Variants in TCF7L1 observed in about 807,000 individuals in gnomAD.
TCF7L1 encodes the protein transcription factor 7-like 1.
A neutral mutation model predicts 63.7 loss-of-function variants in TCF7L1; 18 were observed. That is an observed-to-expected ratio of 0.28 (90% CI 0.20 to 0.42). The LOEUF is 0.42. Ranked by LOEUF, TCF7L1 falls within the 10% of genes least tolerant of loss-of-function variation. The probability of loss-of-function intolerance (pLI) is 1.00; values close to 1 mark genes in which losing one functional copy is unlikely to be tolerated. For synonymous variants in TCF7L1, 355 were observed against 340.9 expected, an observed-to-expected ratio of 1.04 and a Z score of -0.46; for missense variants, 654 against 779.3, an observed-to-expected ratio of 0.84 and a Z score of 1.91.
intron 3 of TCF7L1, among the ~76,000 whole-genome samples, chr2:85,196,537 ATTT>A (rs111548214): frequency 7.0e-6 from 1 of 142,994 alleles, no homozygotes. Context: ...CATCAGGACT[ATTT>A]TTTTTTTTTT....
chr2:85,139,473 T>G (rs1020557843), intron 3 of TCF7L1, among the ~76,000 whole-genome samples: 1 of 152,214 alleles, frequency 6.6e-6, no homozygotes, highest in Admixed American at 6.5e-5. Flanking sequence ...ATGGTAGCAC[T>G]GTAATAAGAA....
intron 3 of TCF7L1, among the ~76,000 whole-genome samples, chr2:85,155,562 T>C (rs1181814519): frequency 6.6e-6 from 1 of 152,226 alleles, no homozygotes; most frequent in African/African-American, 2.4e-5. Flanking sequence ...AACCATAGAT[T>C]GGTCTATGGA....
intron 3 of TCF7L1, among the ~76,000 whole-genome samples, chr2:85,243,020 AG>A (rs1278803706): frequency 6.6e-6 from 1 of 152,190 alleles, no homozygotes; most frequent in Non-Finnish European, 1.5e-5. Context: ...GTTAACAATA[AG>A]TAACTGTTCA....
At chr2:85,250,505 C>T (rs1004813643) in intron 3 of TCF7L1, among the ~76,000 whole-genome samples, 1 of 151,842 alleles carries the variant, frequency 6.6e-6, no homozygotes, top group Non-Finnish European at 1.5e-5. Flanking sequence ...GGTGCTATCT[C>T]GGCTCACTGC....
intron 3 of TCF7L1, among the ~76,000 whole-genome samples, chr2:85,262,577 A>G (rs1256929397): frequency 6.6e-6 from 1 of 152,170 alleles, no homozygotes. Flanking sequence ...GACTTGTTAA[A>G]GATCCAGGTT....
intron 3 of TCF7L1, among the ~76,000 whole-genome samples, chr2:85,260,308 A>G (rs1434037206): frequency 1.3e-5 from 2 of 152,160 alleles, no homozygotes; most frequent in African/African-American, 4.8e-5. Flanking sequence ...AAGCAAAAGA[A>G]GAAATACTGA....
intron 3 of TCF7L1, among the ~76,000 whole-genome samples, chr2:85,197,004 T>C (rs1679171475): frequency 6.6e-6 from 1 of 152,186 alleles, no homozygotes; most frequent in Non-Finnish European, 1.5e-5. Context: ...TTTCAGGGCC[T>C]TGCGTGCAGG....
At chr2:85,276,755 G>T (rs192470867) in intron 3 of TCF7L1, among the ~76,000 whole-genome samples, 61 of 152,236 alleles carry the variant, frequency 4.0e-4, no homozygotes, top group African/African-American at 1.3e-3. Context: ...CATGATTGCC[G>T]GGTTCTGGGT....
At chr2:85,264,072 G>C (rs1680916420) in intron 3 of TCF7L1, among the ~76,000 whole-genome samples, 1 of 152,200 alleles carries the variant, frequency 6.6e-6, no homozygotes, top group Non-Finnish European at 1.5e-5. Context: ...GTTTTGTAAA[G>C]AGCTTGTAAG....
intron 3 of TCF7L1, among the ~76,000 whole-genome samples, chr2:85,187,763 T>C (rs1479540162): frequency 6.6e-6 from 1 of 152,228 alleles, no homozygotes; most frequent in African/African-American, 2.4e-5. Context: ...GAGAGATTCC[T>C]TTATTCTTTT....
intron 3 of TCF7L1, among the ~76,000 whole-genome samples, chr2:85,171,371 A>G (rs750955257): frequency 2.6e-5 from 4 of 152,226 alleles, no homozygotes; most frequent in Non-Finnish European, 5.9e-5. Context: ...CTGTTTTAAA[A>G]TGCACATCCT....
intron 3 of TCF7L1, among the ~76,000 whole-genome samples, chr2:85,178,942 G>A (rs1678738733): frequency 6.6e-6 from 1 of 152,186 alleles, no homozygotes; most frequent in Non-Finnish European, 1.5e-5. Flanking sequence ...ACAGTCAAGA[G>A]GATGGATGGA....
At chr2:85,257,139 A>C (rs1364503381) in intron 3 of TCF7L1, among the ~76,000 whole-genome samples, 2 of 151,938 alleles carry the variant, frequency 1.3e-5, no homozygotes, top group African/African-American at 4.8e-5. Flanking sequence ...GCTTGAGCCC[A>C]GGAGTTCGAG....
Position 85,309,337 on chromosome 2 carries a change from C to T in TCF7L1, c.1642C>T (p.Leu548Phe). 1.2e-6 allele frequency: 2 copies of T among 1,612,720 alleles called. No individual in the cohort carries two copies. The highest frequency in any genetic ancestry group is 1.7e-6 in the Non-Finnish European group (2 of 1,179,716). ...QPPLLSRPLP[L>F]GSMPTALLAS... Reference sequence around the variant, plus strand: ...TCCCCTCCTGTCCCGGCCCCTCCCCCTTGGGTCCATGCCCACAGCTCTGCT... The same window carrying T: ...TCCCCTCCTGTCCCGGCCCCTCCCCTTTGGGTCCATGCCCACAGCTCTGCT... Residue 548 changes from leucine to phenylalanine, a missense_variant, in exon 12 of 12, where the codon CTT (leucine) becomes TTT (phenylalanine). Leu to Phe is a conservative substitution (Grantham distance 22, BLOSUM62 0). This residue lies in a region of TCF7L1 where 184 missense variants were observed against 204.0 expected (regional missense o/e 0.90). Coordinates refer to ENST00000282111, the MANE Select transcript of TCF7L1 (RefSeq NM_031283.3).
At chr2:85,253,348 A>C (rs1225262660) in intron 3 of TCF7L1, among the ~76,000 whole-genome samples, 4 of 149,880 alleles carry the variant, frequency 2.7e-5, no homozygotes, top group African/African-American at 7.4e-5. Context: ...GTAAGGTCAG[A>C]AACCTGCTCA....
At chr2:85,242,001 T>G (rs1223548241) in intron 3 of TCF7L1, among the ~76,000 whole-genome samples, 3 of 107,194 alleles carry the variant, frequency 2.8e-5, no homozygotes, top group African/African-American at 1.1e-4. Flanking sequence ...GCTTTTTTTT[T>G]GGGCGGAGGG....
intron 3 of TCF7L1, among the ~76,000 whole-genome samples, chr2:85,229,431 A>G (rs559875026): frequency 4.3e-4 from 65 of 152,362 alleles, no homozygotes; most frequent in African/African-American, 1.5e-3. Flanking sequence ...TATAACCCCA[A>G]TTCTGCTAAA....
chr2:85,308,828 T>A (rs997464680), intron 11 of TCF7L1, among the ~76,000 whole-genome samples: 22 of 152,088 alleles, frequency 1.4e-4, no homozygotes, highest in African/African-American at 5.1e-4. Context: ...TGGATCTTCA[T>A]CAGTTTGGGC....
chr2:85,305,229 CTG>C, intron 7 of TCF7L1, 29 bp from the exon 8 acceptor site: 8 of 1,614,118 alleles, frequency 5.0e-6, no homozygotes, highest in Non-Finnish European at 6.8e-6. Context: ...CTGAACCCCT[CTG>C]TTGCCATTTG....
Sources: allele counts gnomAD v4.1 joint callset (sites outside exome capture counted in the v4.1 genomes callset), GRCh38; gene constraint gnomAD v4.1.1; regional missense constraint gnomAD v4.1.1; transcripts MANE v1.5; gene names NCBI Gene and HGNC (gene_info 2026-07-23, HGNC 2026-07-21).